TMTC2: variants seen among roughly 807,000 people sequenced by gnomAD.
TMTC2 encodes the protein protein O-mannosyl-transferase TMTC2.
TMTC2 carries 43 observed loss-of-function variants against 82.4 expected under a neutral mutation model. The ratio of observed to expected loss-of-function variants is 0.52; its 90% CI spans 0.41 to 0.67. The LOEUF is 0.67. TMTC2 is among the 30% of genes least tolerant of loss of function. TMTC2 has a pLI of 0.00. For synonymous variants in TMTC2, 408 were observed against 381.9 expected, an observed-to-expected ratio of 1.07 and a Z score of -0.80; for missense variants, 919 against 1,012.4, an observed-to-expected ratio of 0.91 and a Z score of 1.25.
chr12:83,030,473 G>C (rs1881381170), intron 8 of TMTC2, among the ~76,000 whole-genome samples: 1 of 151,946 alleles, frequency 6.6e-6, no homozygotes, highest in South Asian at 2.1e-4. Flanking sequence ...TGACAATAAT[G>C]TTTCTTTAAA....
At chr12:82,994,865 C>A (rs2137354768) in intron 8 of TMTC2, among the ~76,000 whole-genome samples, 1 of 152,220 alleles carries the variant, frequency 6.6e-6, no homozygotes, top group Admixed American at 6.5e-5. Flanking sequence ...TAGGTACATT[C>A]ATTGTATTAC....
chr12:82,966,762 AT>A (rs745790461), intron 6 of TMTC2, among the ~76,000 whole-genome samples, 156 bp from the exon 7 acceptor site: 13 of 152,286 alleles, frequency 8.5e-5, no homozygotes, highest in Non-Finnish European at 1.6e-4. Flanking sequence ...TTGAGATAGT[AT>A]GCCACAAAAG....
chr12:82,952,543 G>A (rs1437736969), intron 4 of TMTC2, among the ~76,000 whole-genome samples: 1 of 151,688 alleles, frequency 6.6e-6, no homozygotes, highest in African/African-American at 2.4e-5. Flanking sequence ...ACACACATAT[G>A]TATATATGGT....
Position 83,134,010 on chromosome 12 carries a change from G to A in TMTC2, c.*1621G>A, listed in dbSNP as rs949978340. On this transcript the variant is annotated 3_prime_UTR_variant, in exon 12 of 12. Coordinates refer to ENST00000321196, the MANE Select transcript of TMTC2 (RefSeq NM_152588.3). ...TTCTCCATATTTTATGTTTTTCTAT[G>A]TATCTGAATACAGTGGGATAAATAA... is the stretch of plus-strand genomic sequence containing the variant. 4 of 152,434 alleles carry A rather than the reference G, an allele frequency of 2.6e-5. No individual in the cohort carries two copies. Among genetic ancestry groups the A allele is most frequent in the African/African-American group, 7.3e-5 (3 of 41,370 alleles). The allele number at this position is 152,434 out of a possible 1,614,324, so 9.4% of individuals were successfully genotyped here.
intron 8 of TMTC2, among the ~76,000 whole-genome samples, chr12:82,991,586 T>C (rs1879406147): frequency 6.6e-6 from 1 of 152,180 alleles, no homozygotes; most frequent in African/African-American, 2.4e-5. Flanking sequence ...TTAAATATAG[T>C]TGGACCCAAG....
At chr12:82,717,208 G>T (rs979770463) in intron 1 of TMTC2, among the ~76,000 whole-genome samples, 5 of 149,656 alleles carry the variant, frequency 3.3e-5, no homozygotes, top group African/African-American at 9.8e-5. Context: ...TACTTTACAG[G>T]CAAAAGGCAC....
intron 1 of TMTC2, among the ~76,000 whole-genome samples, chr12:82,732,978 C>T (rs1456980588): frequency 6.6e-6 from 1 of 152,176 alleles, no homozygotes; most frequent in African/African-American, 2.4e-5. Flanking sequence ...GTTATATTTA[C>T]ATAATTACAA....
chr12:82,929,344 A>T (rs185894098), intron 3 of TMTC2, among the ~76,000 whole-genome samples: 1 of 152,236 alleles, frequency 6.6e-6, no homozygotes, highest in East Asian at 1.9e-4. Context: ...GGTGCAAGCC[A>T]TTGTGCCCAG....
At chr12:83,111,133 A>G (rs77437124) in intron 11 of TMTC2, among the ~76,000 whole-genome samples, 14 of 152,324 alleles carry the variant, frequency 9.2e-5, no homozygotes, top group Non-Finnish European at 1.6e-4. Context: ...TTCTTCATTA[A>G]TGTGCTTTTA....
rs530095479 is a variant in TMTC2 at position 82,748,216 on chromosome 12, C to T, written c.83+60547C>T. Among the ~76,000 whole-genome samples, 4 of 152,046 alleles carry T rather than the reference C, an allele frequency of 2.6e-5. No individual in the cohort carries two copies. The East Asian group carries it at 7.8e-4, about 30-fold the overall frequency. On this transcript the variant is annotated intron_variant, in intron 1 of 11. Transcript: ENST00000321196. ...GTCCCAGCTACTCAGGAGGCTGAAG[C>T]AGGAGAATTGCTTGTACCCAGGAGG... is the stretch of plus-strand genomic sequence containing the variant.
rs183295737 is a variant in TMTC2, at chr12:83,089,516, C to T, written c.2331+27685C>T. Among the ~76,000 whole-genome samples the T allele has an allele frequency of 2.5e-3, 385 of 152,164 alleles. 1 individual carries two copies. Among genetic ancestry groups the T allele is most frequent in the Non-Finnish European group, 4.3e-3 (289 of 67,982 alleles). ...CACACATTTTTATATTTTTTATGCACCTTTACACAAACTAAGTAGTCACCA... is the reference window on the plus strand; with the variant it reads ...CACACATTTTTATATTTTTTATGCATCTTTACACAAACTAAGTAGTCACCA... On this transcript the variant is annotated intron_variant, in intron 11 of 11. Coordinates refer to ENST00000321196, the MANE Select transcript of TMTC2 (RefSeq NM_152588.3).
chr12:83,035,600 G>A (rs1462556839), intron 9 of TMTC2, among the ~76,000 whole-genome samples: 2 of 152,176 alleles, frequency 1.3e-5, no homozygotes, highest in Admixed American at 6.5e-5. Context: ...ACAACATTGT[G>A]TATTTGTATG....
intron 2 of TMTC2, among the ~76,000 whole-genome samples, chr12:82,868,299 GTCAA>G (rs1370978689): frequency 1.3e-5 from 2 of 152,176 alleles, no homozygotes; most frequent in Non-Finnish European, 2.9e-5. Flanking sequence ...ATGCTGAACT[GTCAA>G]TCAGCAAAGA....
chr12:83,088,230 G>T (rs964524923), intron 11 of TMTC2, among the ~76,000 whole-genome samples: 3 of 152,236 alleles, frequency 2.0e-5, no homozygotes, highest in Non-Finnish European at 4.4e-5. Context: ...ATTAAAGAGA[G>T]TTAGGGGCTT....
intron 1 of TMTC2, among the ~76,000 whole-genome samples, chr12:82,778,674 C>T (rs1401721720): frequency 1.3e-5 from 2 of 151,702 alleles, no homozygotes; most frequent in Non-Finnish European, 2.9e-5. Flanking sequence ...ACGGTGAAAC[C>T]CCGTCTCTAC....
intron 8 of TMTC2, among the ~76,000 whole-genome samples, chr12:82,994,201 A>G (rs1282967967): frequency 6.6e-6 from 1 of 152,174 alleles, no homozygotes; most frequent in East Asian, 1.9e-4. Context: ...GTATCGCCCC[A>G]GGCTGGAGTG....
At chr12:82,774,650 T>TG (rs148940256) in intron 1 of TMTC2, among the ~76,000 whole-genome samples, 40 of 149,438 alleles carry the variant, frequency 2.7e-4, no homozygotes, top group African/African-American at 8.7e-4. Flanking sequence ...TTTTTTTTTT[T>TG]GTCTGGGGAT....
chr12:82,758,414 A>G (rs982317656), intron 1 of TMTC2: 2 of 152,146 alleles, frequency 1.3e-5, no homozygotes, highest in Non-Finnish European at 1.5e-5. Context: ...ATGACTCACA[A>G]TATCAAAAAA....
intron 10 of TMTC2, among the ~76,000 whole-genome samples, chr12:83,060,333 C>T (rs1459013067): frequency 6.6e-6 from 1 of 151,628 alleles, no homozygotes; most frequent in Non-Finnish European, 1.5e-5. Flanking sequence ...TATATGGTTG[C>T]ATGGGGTATG....
Sources: allele counts gnomAD v4.1 joint callset (sites outside exome capture counted in the v4.1 genomes callset), GRCh38; gene constraint gnomAD v4.1.1; transcripts MANE v1.5; gene names NCBI Gene and HGNC (gene_info 2026-07-23, HGNC 2026-07-21).